The following MRPS27 variants were observed in gnomAD, a reference collection of about 807,000 sequenced individuals.
MRPS27 encodes the protein small ribosomal subunit protein mS27.
MRPS27 carries 43 observed loss-of-function variants against 48.9 expected under a neutral mutation model. The observed-to-expected ratio is 0.88, with a 90% confidence interval of 0.69 to 1.13. MRPS27 has a LOEUF of 1.13. MRPS27 is among the 50% of genes most tolerant of loss of function. The pLI is 0.00. For synonymous variants in MRPS27, 188 were observed against 171.9 expected (o/e 1.09, Z -0.73); for missense variants, 467 against 476.3 (o/e 0.98, Z 0.18).
intron 4 of MRPS27, among the ~76,000 whole-genome samples, chr5:72,286,448 A>C (rs1749676152): frequency 6.6e-6 from 1 of 152,204 alleles, no homozygotes; most frequent in African/African-American, 2.4e-5. Flanking sequence ...TCACACAAAT[A>C]TAAACTAATT....
At position 72,220,468 on chromosome 5, in the gene MRPS27, GCCAAGAT is replaced by G. The variant is rs952178856; in HGVS notation, c.*434_*440del. 2 of 157,150 alleles carry G rather than the reference GCCAAGAT, an allele frequency of 1.3e-5. No individual in the cohort carries two copies. The highest frequency in any genetic ancestry group is 4.8e-5 in the African/African-American group (2 of 41,536). The allele number at this position is 157,150 out of a possible 1,614,324, so 9.7% of individuals were successfully genotyped here. A position where few individuals can be genotyped will look rare whatever the true frequency, so the allele number is the denominator to read the frequency against. Reference sequence around the variant, plus strand: ...ACCTGGGAGTCGGAGGTTGCAGTGAGCCAAGATTGCGCCACTGCACTCCAGCCTGGGT... The same window carrying G: ...ACCTGGGAGTCGGAGGTTGCAGTGAGTGCGCCACTGCACTCCAGCCTGGGT... On this transcript the variant is annotated 3_prime_UTR_variant, in exon 11 of 11. Transcript: ENST00000261413.
chr5:72,299,318 GA>G (rs139795108), intron 2 of MRPS27, among the ~76,000 whole-genome samples: 75 of 123,134 alleles, frequency 6.1e-4, no homozygotes, highest in South Asian at 2.1e-3. Flanking sequence ...AAAAATAAAA[GA>G]AAAAAAAAAA....
At position 72,232,458 on chromosome 5, in the gene MRPS27, CT is replaced by C; in HGVS notation, c.575del (p.Lys192ArgfsTer22). The C allele has an allele frequency of 6.2e-7, 1 of 1,611,430 alleles. No individual in the cohort carries two copies. Among genetic ancestry groups the C allele is most frequent in the Non-Finnish European group, 8.5e-7 (1 of 1,178,168 alleles). On this transcript the variant is annotated frameshift_variant, in exon 7 of 11. Transcript: ENST00000261413. LOFTEE classifies it high-confidence loss of function. Reference sequence around the variant, plus strand: ...GATCACTTACACTGAAGTCTGTCTTCTTTGCCAGGCAATGAAATAAAACATA... The same window carrying C: ...GATCACTTACACTGAAGTCTGTCTTCTTGCCAGGCAATGAAATAAAACATA... ...SLYVLFHCLA[K>X]KTDFSWEEER...
rs766950966 is a variant in MRPS27 at position 72,223,767 on chromosome 5, G to A, written c.921C>T (p.Asn307=). The A allele has an allele frequency of 3.7e-6, 6 of 1,613,988 alleles. 1 individual carries two copies. The South Asian group carries it at 6.6e-5, about 18-fold the overall frequency. Residue 307 remains asparagine (N), a synonymous_variant, in exon 10 of 11, where the codon AAC becomes AAT. Coordinates refer to ENST00000261413, the MANE Select transcript of MRPS27 (RefSeq NM_015084.3). ...SEEQSQNDED[N]QGSEKLVEQL... ...GCTCCACCAGTTTTTCTGACCCCTG[G>A]TTGTCTTCATCATTTTGGGACTGCT...
intron 6 of MRPS27, among the ~76,000 whole-genome samples, chr5:72,233,866 G>A (rs1451174390): frequency 6.6e-6 from 1 of 152,124 alleles, no homozygotes; most frequent in East Asian, 1.9e-4. Flanking sequence ...TTTGGGAAGT[G>A]AAATTAGATT....
At chr5:72,226,278 G>A (rs533400835) in intron 8 of MRPS27, 79 bp from the exon 9 acceptor site, 205 of 1,546,160 alleles carry the variant, frequency 1.3e-4, no homozygotes, top group Non-Finnish European at 1.8e-4. Flanking sequence ...GAAGGCCCAA[G>A]TGAATGTTCA....
intron 4 of MRPS27, among the ~76,000 whole-genome samples, chr5:72,292,239 G>T (rs1173454818): frequency 5.2e-5 from 6 of 115,040 alleles, no homozygotes; most frequent in Middle Eastern, 5.4e-3. Flanking sequence ...AATGAATATA[G>T]TTGCTGGTAT....
At chr5:72,297,592 T>A (rs750601073) in intron 3 of MRPS27, 40 bp downstream of exon 3, 32 of 1,353,750 alleles carry the variant, frequency 2.4e-5, no homozygotes, top group Non-Finnish European at 3.2e-5. Flanking sequence ...CTGGCTTTCT[T>A]CCTTGTTCTT....
intron 4 of MRPS27, among the ~76,000 whole-genome samples, chr5:72,288,310 C>A (rs1749728193): frequency 6.6e-6 from 1 of 151,888 alleles, no homozygotes; most frequent in African/African-American, 2.4e-5. Context: ...TGGGTTCATG[C>A]CGTTCTCCCG....
intron 1 of MRPS27, 58 bp from the exon 2 acceptor site, chr5:72,314,216 T>A: frequency 8.0e-7 from 1 of 1,257,770 alleles, no homozygotes; most frequent in Non-Finnish European, 1.2e-6. Flanking sequence ...TCATTTTATA[T>A]GTTTTATTAA....
intron 4 of MRPS27, among the ~76,000 whole-genome samples, chr5:72,279,742 T>C (rs1002636799): frequency 5.3e-5 from 8 of 151,892 alleles, no homozygotes; most frequent in African/African-American, 1.9e-4. Context: ...AAAAAATTTA[T>C]CAATCTTTTG....
chr5:72,226,052 C>T lies in MRPS27; in HGVS notation c.837+5G>A. ...ATCTCACTGCCTTAGAGCTGAAGAA[C>T]ATACCGCTTCTCTACACAGCTTTAT... is the stretch of plus-strand genomic sequence containing the variant. On this transcript the variant is annotated splice_donor_5th_base_variant and intron_variant, in intron 9 of 10. Transcript: ENST00000261413. The T allele has an allele frequency of 6.2e-7, 1 of 1,610,252 alleles. No individual in the cohort carries two copies. The highest frequency in any genetic ancestry group is 8.5e-7 in the Non-Finnish European group (1 of 1,176,948).
intron 4 of MRPS27, chr5:72,294,413 T>A (rs778989162): frequency 3.3e-5 from 5 of 152,186 alleles, no homozygotes; most frequent in Non-Finnish European, 5.9e-5. Context: ...GAAACTCTAA[T>A]GCAATGCTTA....
chr5:72,288,210 C>CTTT (rs34161754), intron 4 of MRPS27, among the ~76,000 whole-genome samples: 1 of 141,428 alleles, frequency 7.1e-6, no homozygotes, highest in Non-Finnish European at 1.6e-5. Flanking sequence ...GGCAAGAATT[C>CTTT]TTTTTTTTTT....
chr5:72,305,234 C>T (rs2112077663), intron 2 of MRPS27, among the ~76,000 whole-genome samples: 1 of 152,012 alleles, frequency 6.6e-6, no homozygotes, highest in South Asian at 2.1e-4. Context: ...CAAGTCAGAC[C>T]CATCTCTAGA....
intron 2 of MRPS27, among the ~76,000 whole-genome samples, chr5:72,309,546 AC>A (rs1378037858): frequency 6.6e-6 from 1 of 152,138 alleles, no homozygotes; most frequent in African/African-American, 2.4e-5. Context: ...GGCGTGTGCC[AC>A]TGCGTGCTGC....
At position 72,298,783 on chromosome 5, in the gene MRPS27, C is replaced by T. The variant is rs534903351; in HGVS notation, c.152-1081G>A. On this transcript the variant is annotated intron_variant, in intron 2 of 10. Coordinates refer to ENST00000261413, the MANE Select transcript of MRPS27 (RefSeq NM_015084.3). Reference sequence around the variant, plus strand: ...AGCAATCCCATTATTAGGTACATACCGAAAATAAAATAAAACATTCTACCA... The same window carrying T: ...AGCAATCCCATTATTAGGTACATACTGAAAATAAAATAAAACATTCTACCA... 3.3e-5 allele frequency among the ~76,000 whole-genome samples: 5 copies of T among 151,024 alleles called. No individual in the cohort carries two copies. The South Asian group carries it at 8.4e-4, about 25-fold the overall frequency.
At chr5:72,256,787 A>G (rs1329854789) in intron 4 of MRPS27, among the ~76,000 whole-genome samples, 2 of 152,238 alleles carry the variant, frequency 1.3e-5, no homozygotes, top group African/African-American at 4.8e-5. Flanking sequence ...CAGAGCCTCT[A>G]TGCTGACTCA....
intron 2 of MRPS27, among the ~76,000 whole-genome samples, chr5:72,312,777 C>A (rs960792435): frequency 6.6e-6 from 1 of 151,800 alleles, no homozygotes; most frequent in African/African-American, 2.4e-5. Flanking sequence ...CCTGCCACTG[C>A]GCCCGGCTAA....
Sources: allele counts gnomAD v4.1 joint callset (sites outside exome capture counted in the v4.1 genomes callset), GRCh38; gene constraint gnomAD v4.1.1; transcripts MANE v1.5; gene names NCBI Gene and HGNC (gene_info 2026-07-23, HGNC 2026-07-21).